ADGRV1: variants seen among roughly 807,000 people sequenced by gnomAD.
ADGRV1 encodes adhesion G protein-coupled receptor V1, also known as G-protein coupled receptor 98.
A neutral mutation model predicts 596.2 loss-of-function variants in ADGRV1; 359 were observed. The observed-to-expected ratio is 0.60, with a 90% CI of 0.55 to 0.66. The LOEUF (loss-of-function observed/expected upper bound fraction) is 0.66, where lower values mean the gene tolerates loss of function less well. Among genes scored for constraint, ADGRV1 ranks in the 30% least tolerant of loss-of-function variants. The pLI is 0.00. For synonymous variants in ADGRV1, 2,681 were observed against 2,679.2 expected (o/e 1.00, Z -0.02); for missense variants, 7,274 against 7,575.6 (o/e 0.96, Z 1.48).
chr5:90,779,183 C>A, intron 64 of ADGRV1, 86 bp downstream of exon 64: 1 of 718,834 alleles, frequency 1.4e-6, no homozygotes, highest in African/African-American at 1.8e-5. Context: ...TAATACTGAG[C>A]TCTAAAGCAG....
At chr5:90,835,438 A>G (rs1764894646) in intron 77 of ADGRV1, among the ~76,000 whole-genome samples, 1 of 152,186 alleles carries the variant, frequency 6.6e-6, no homozygotes, top group Admixed American at 6.5e-5. Context: ...GAGCTGCCAG[A>G]GGGTTGATTC....
At chr5:90,851,683 G>A (rs1340584968) in intron 79 of ADGRV1, among the ~76,000 whole-genome samples, 1 of 152,168 alleles carries the variant, frequency 6.6e-6, no homozygotes, top group African/African-American at 2.4e-5. Context: ...ATCAACTTAG[G>A]TATAAAGCAG....
intron 77 of ADGRV1, among the ~76,000 whole-genome samples, chr5:90,837,505 C>T (rs571840842): frequency 1.3e-5 from 2 of 151,552 alleles, no homozygotes; most frequent in South Asian, 2.1e-4. Context: ...CGAGTAACTG[C>T]GATTACAGGC....
Position 90,807,542 on chromosome 5 carries a change from C to T in ADGRV1, c.14837-60C>T, listed in dbSNP as rs993941848. 77 of 1,488,986 alleles carry T rather than the reference C, an allele frequency of 5.2e-5. No homozygotes were observed. In the East Asian group the frequency reaches 1.3e-3, roughly 25 times the overall value. 92.2% of individuals were successfully genotyped at this position (1,488,986 alleles called of 1,614,324 possible). ...AATACACTACTACAGTTTTAAAAGT[C>T]AAATCCCAATTTAAGAAAAGAAATA... is the stretch of plus-strand genomic sequence containing the variant. On this transcript the variant is annotated intron_variant, in intron 72 of 89. Coordinates refer to ENST00000405460, the MANE Select transcript of ADGRV1 (RefSeq NM_032119.4).
chr5:90,562,507 G>A (rs569879269), intron 1 of ADGRV1, among the ~76,000 whole-genome samples: 2 of 152,142 alleles, frequency 1.3e-5, no homozygotes, highest in African/African-American at 2.4e-5. Flanking sequence ...TGTGTTTTCC[G>A]ATTCTACTGT....
At chr5:91,133,648 ACT>A (rs766894295) in intron 87 of ADGRV1, among the ~76,000 whole-genome samples, 4 of 152,082 alleles carry the variant, frequency 2.6e-5, no homozygotes, top group Non-Finnish European at 4.4e-5. Context: ...TGTTACAAAG[ACT>A]CTGATATAGT....
intron 86 of ADGRV1, among the ~76,000 whole-genome samples, chr5:91,099,038 T>C (rs938107555): frequency 2.0e-5 from 3 of 152,174 alleles, no homozygotes; most frequent in Admixed American, 6.6e-5. Flanking sequence ...GCAAATTATA[T>C]TATTTCATTA....
Position 90,666,259 on chromosome 5 carries a change from G to T in ADGRV1, c.4753-6287G>T, listed in dbSNP as rs199835186. On this transcript the variant is annotated intron_variant, in intron 21 of 89. Coordinates refer to ENST00000405460, the MANE Select transcript of ADGRV1 (RefSeq NM_032119.4). ...AATGTGTGGGAGTCTAAGTCTCTTT[G>T]TAGGTCATTCAGGACTTGCTTTTTG... Among the ~76,000 whole-genome samples the T allele has an allele frequency of 2.6e-4, 39 of 152,148 alleles. No individual in the cohort carries two copies. The East Asian group carries it at 7.2e-3, about 28-fold the overall frequency.
At chr5:91,067,918 G>A (rs1788026397) in intron 85 of ADGRV1, among the ~76,000 whole-genome samples, 1 of 152,106 alleles carries the variant, frequency 6.6e-6, no homozygotes, top group South Asian at 2.1e-4. Context: ...TCAATATTAA[G>A]ACCATTAATG....
chr5:90,979,216 T>C (rs1321925314), intron 84 of ADGRV1, among the ~76,000 whole-genome samples: 1 of 151,900 alleles, frequency 6.6e-6, no homozygotes, highest in Non-Finnish European at 1.5e-5. Flanking sequence ...TCACTGCAGC[T>C]GGAGTGCAGT....
At chr5:90,910,665 T>C (rs779163100) in intron 83 of ADGRV1, among the ~76,000 whole-genome samples, 1 of 151,842 alleles carries the variant, frequency 6.6e-6, no homozygotes, top group East Asian at 1.9e-4. Flanking sequence ...TAGATAAATA[T>C]TTATATTTTG....
chr5:90,826,936 C>T (rs967969372), intron 76 of ADGRV1, among the ~76,000 whole-genome samples: 2 of 152,152 alleles, frequency 1.3e-5, no homozygotes, highest in African/African-American at 4.8e-5. Context: ...TCTTGAATTC[C>T]AGTCCATTTC....
intron 34 of ADGRV1, among the ~76,000 whole-genome samples, chr5:90,700,484 T>C (rs902702613): frequency 2.0e-5 from 3 of 152,172 alleles, no homozygotes; most frequent in Non-Finnish European, 2.9e-5. Context: ...TCAAATGTAA[T>C]GGACAGAATT....
At chr5:90,851,511 G>A (rs561613989) in intron 79 of ADGRV1, among the ~76,000 whole-genome samples, 1 of 152,232 alleles carries the variant, frequency 6.6e-6, no homozygotes, top group Admixed American at 6.5e-5. Context: ...AAGCATTTGG[G>A]GAGTGAGCAA....
chr5:90,642,949 G>C lies in ADGRV1; in HGVS notation c.2461G>C (p.Glu821Gln), dbSNP rs773747586. ...HYRVEPRDSN[E>Q]FYGNTGVLEF... ...CCGAGTAGAGCCAAGAGATAGCAAT[G>C]AATTCTATGGAAACACGGGAGTACT... The change falls in exon 13 of 90, where the codon GAA becomes CAA. Residue 821 changes from glutamate to glutamine, a missense_variant. This residue lies in a region of ADGRV1 where 1,715 missense variants were observed against 1,708.8 expected (regional missense o/e 1.00). Transcript: ENST00000405460. 2 of 1,613,408 alleles carry C rather than the reference G, an allele frequency of 1.2e-6. No individual in the cohort carries two copies. Among genetic ancestry groups the C allele is most frequent in the African/African-American group, 2.7e-5 (2 of 74,880 alleles).
At chr5:91,030,868 G>GA (rs1331392503) in intron 85 of ADGRV1, 10 of 447,502 alleles carry the variant, frequency 2.2e-5, no homozygotes, top group Non-Finnish European at 4.0e-5. Flanking sequence ...ACATGTTTTT[G>GA]AAAAGCCTCT....
At chr5:91,135,114 G>A (rs1399660396) in intron 87 of ADGRV1, among the ~76,000 whole-genome samples, 1 of 151,158 alleles carries the variant, frequency 6.6e-6, no homozygotes, top group East Asian at 1.9e-4. Context: ...CAGAAGGAGA[G>A]GTTGCAGTGA....
intron 1 of ADGRV1, among the ~76,000 whole-genome samples, chr5:90,569,826 A>G (rs142358873): frequency 2.6e-5 from 4 of 152,126 alleles, no homozygotes; most frequent in Non-Finnish European, 5.9e-5. Context: ...AGCGTGCAAT[A>G]ATTTTGCTCC....
At chr5:90,973,577 A>G (rs1235380748) in intron 84 of ADGRV1, among the ~76,000 whole-genome samples, 1 of 152,224 alleles carries the variant, frequency 6.6e-6, no homozygotes, top group Non-Finnish European at 1.5e-5. Flanking sequence ...AATCCAGCAT[A>G]TAAACAGAAC....
Sources: gnomAD v4.1 joint callset for allele counts (sites outside exome capture counted in the v4.1 genomes callset) on GRCh38, gnomAD v4.1.1 for gene constraint, gnomAD v4.1.1 regional missense constraint, MANE v1.5 for transcripts, NCBI Gene and HGNC (gene_info 2026-07-23, HGNC 2026-07-21) for gene names.